Variants in FBH1 observed in about 807,000 individuals in gnomAD.
FBH1 encodes DNA 3'-5' helicase 1.
In FBH1, 43 loss-of-function variants were observed where a neutral mutation model predicts 115.5. That is an observed-to-expected ratio of 0.37 (90% CI 0.29 to 0.48). FBH1 has a LOEUF of 0.48. Ranked by LOEUF, FBH1 falls within the 20% of genes least tolerant of loss-of-function variation. The pLI is 0.99. For synonymous variants in FBH1, 524 were observed against 507.8 expected (o/e 1.03, Z -0.43); for missense variants, 1,001 against 1,337.3 (o/e 0.75, Z 3.92).
At position 5,936,667 on chromosome 10, in the gene FBH1, TGAG is replaced by T; in HGVS notation, c.2961+84_2961+86del. On this transcript the variant is annotated intron_variant, in intron 20 of 20. Coordinates refer to ENST00000362091, the MANE Select transcript of FBH1 (RefSeq NM_178150.3). This position sits in a 1 kb window ranked among gnomAD's most constrained non-coding sequence, Gnocchi z 5.6. Reference sequence around the variant, plus strand: ...GCTCTGTGCTTATCTGGGTTGTAGGTGAGGAGATAAGAGAGAGCTGTGTGATCC... The same window carrying T: ...GCTCTGTGCTTATCTGGGTTGTAGGTGAGATAAGAGAGAGCTGTGTGATCC... 6.4e-7 allele frequency: 1 copy of T among 1,553,168 alleles called. No individual in the cohort carries two copies. The highest frequency in any genetic ancestry group is 8.8e-7 in the Non-Finnish European group (1 of 1,132,290).
At chr10:5,890,507 G>C (rs1472095871) in intron 1 of FBH1, among the ~76,000 whole-genome samples, 161 bp downstream of exon 1, 1 of 150,922 alleles carries the variant, frequency 6.6e-6, no homozygotes, top group Non-Finnish European at 1.5e-5. Context: ...GTGGGGGCTC[G>C]GCCGTCCGGG....
At chr10:5,894,355 A>C in intron 1 of FBH1, 1 of 1,569,590 alleles carries the variant, frequency 6.4e-7, no homozygotes, top group Non-Finnish European at 8.6e-7. Context: ...AAAAAATGTA[A>C]TATGGAAATT....
rs1466020860 is a variant in FBH1, at chr10:5,916,572, C to A, written c.1788+116C>A. 3 of 841,608 alleles carry A rather than the reference C, an allele frequency of 3.6e-6. No individual in the cohort carries two copies. The Admixed American group carries it at 8.3e-5, about 23-fold the overall frequency. 52.1% of individuals were successfully genotyped at this position (841,608 alleles called of 1,614,324 possible). On this transcript the variant is annotated intron_variant, in intron 10 of 20. Transcript: ENST00000362091. ...TGTTAGGGGTCTGAGGATGGGGAAA[C>A]AGGGGAAGTGTTAGGGGTCTGAGGA...
chr10:5,894,497 A>G (rs1329132830), intron 1 of FBH1: 2 of 1,080,574 alleles, frequency 1.9e-6, no homozygotes, highest in Non-Finnish European at 2.9e-6. Context: ...CTCATGAGCT[A>G]CGAGGTGACT....
intron 1 of FBH1, among the ~76,000 whole-genome samples, chr10:5,902,670 G>T (rs2131886409): frequency 6.6e-6 from 1 of 152,044 alleles, no homozygotes; most frequent in Middle Eastern, 3.4e-3. Flanking sequence ...AAAATGTCTT[G>T]CCCCCTCCTC....
Position 5,909,643 on chromosome 10 carries a change from G to C in FBH1, c.1020+349G>C, listed in dbSNP as rs999985362. Among the ~76,000 whole-genome samples, 1 of 152,140 alleles carries C rather than the reference G, an allele frequency of 6.6e-6. No homozygotes were observed. Among genetic ancestry groups the C allele is most frequent in the African/African-American group, 2.4e-5 (1 of 41,412 alleles). On this transcript the variant is annotated intron_variant, in intron 5 of 20. Transcript: ENST00000362091. This position sits in a 1 kb window ranked among gnomAD's most constrained non-coding sequence, Gnocchi z 4.4. The stretch of plus-strand genomic sequence containing the variant: ...AGCCCACCCCATTATCAACAAGTTT[G>C]CTTATTTGAAAGGGACAGAAAAATT...
In FBH1 at chr10:5,925,174, G is replaced by A. The variant is rs1198992690; in HGVS notation, c.2597-193G>A. ...CAACTAATTTTCGACTTTTCCCCTCGTCTTTTTCTTTTTTCTGTTCCCGAC... is the reference window on the plus strand; with the variant it reads ...CAACTAATTTTCGACTTTTCCCCTCATCTTTTTCTTTTTTCTGTTCCCGAC... On this transcript the variant is annotated intron_variant, in intron 17 of 20. Coordinates refer to ENST00000362091, the MANE Select transcript of FBH1 (RefSeq NM_178150.3). The surrounding 1 kb of genome is among the most constrained non-coding windows in gnomAD (Gnocchi z 4.6). 2.3e-5 allele frequency: 15 copies of A among 658,934 alleles called. No homozygotes were observed. The East Asian group carries it at 2.4e-4, about 11-fold the overall frequency. 40.8% of individuals were successfully genotyped at this position (658,934 alleles called of 1,614,324 possible). A position where few individuals can be genotyped will look rare whatever the true frequency, so the allele number is the denominator to read the frequency against.
rs981866471 is a variant in FBH1, at chr10:5,935,266, A to G, written c.2830-1190A>G. Reference sequence around the variant, plus strand: ...CATTGTTGGAAATAGTTTGGAAACAACCGAGTAACCACAGCAAGGGAATGG... The same window carrying G: ...CATTGTTGGAAATAGTTTGGAAACAGCCGAGTAACCACAGCAAGGGAATGG... On this transcript the variant is annotated intron_variant, in intron 19 of 20. Coordinates refer to ENST00000362091, the MANE Select transcript of FBH1 (RefSeq NM_178150.3). This position sits in a 1 kb window ranked among gnomAD's most constrained non-coding sequence, Gnocchi z 5.2. The G allele has an allele frequency of 6.6e-6, 1 of 152,216 alleles. No homozygotes were observed. Among genetic ancestry groups the G allele is most frequent in the Non-Finnish European group, 1.5e-5 (1 of 68,048 alleles). The allele number at this position is 152,216 out of a possible 1,614,324, so 9.4% of individuals were successfully genotyped here.
chr10:5,894,260 A>T, intron 1 of FBH1: 3 of 1,417,820 alleles, frequency 2.1e-6, no homozygotes, highest in Non-Finnish European at 2.8e-6. Context: ...TTTCGGGTCT[A>T]CAGCATTTAG....
At chr10:5,901,346 C>T (rs1346496090) in intron 1 of FBH1, among the ~76,000 whole-genome samples, 4 of 151,802 alleles carry the variant, frequency 2.6e-5, no homozygotes, top group African/African-American at 7.3e-5. Flanking sequence ...TTAATAGAGA[C>T]GGGGTTTCAC....
chr10:5,897,885 G>A lies in FBH1; in HGVS notation c.2-5135G>A, dbSNP rs1843106286. Among the ~76,000 whole-genome samples the A allele has an allele frequency of 1.5e-5, 2 of 134,302 alleles. No individual in the cohort carries two copies. The highest frequency in any genetic ancestry group is 5.1e-5 in the African/African-American group (2 of 39,302). 88.1% of individuals were successfully genotyped at this position (134,302 alleles called of 152,430 possible). The stretch of plus-strand genomic sequence containing the variant: ...TTTTGGATTCAGACGTATTTTCTGA[G>A]ATAAATACATAAATAAAAATCTATC... On this transcript the variant is annotated intron_variant, in intron 1 of 20. Coordinates refer to ENST00000362091, the MANE Select transcript of FBH1 (RefSeq NM_178150.3). The surrounding 1 kb of genome is among the most constrained non-coding windows in gnomAD (Gnocchi z 4.7).
intron 2 of FBH1, among the ~76,000 whole-genome samples, chr10:5,904,907 C>T (rs535675621): frequency 2.0e-5 from 3 of 151,950 alleles, no homozygotes; most frequent in South Asian, 4.2e-4. Flanking sequence ...AAGGCTAAAC[C>T]GAGTTTCAGT....
At position 5,918,583 on chromosome 10, in the gene FBH1, C is replaced by A; in HGVS notation, c.2100+105C>A. The stretch of plus-strand genomic sequence containing the variant: ...CCAGGCTCACCAGATCTAGCAAATC[C>A]TTGCTTCTAAGCCATGGTTCTCAAA... On this transcript the variant is annotated intron_variant, in intron 13 of 20. Transcript: ENST00000362091. The surrounding 1 kb of genome is among the most constrained non-coding windows in gnomAD (Gnocchi z 4.0). 1 of 1,362,458 alleles carries A rather than the reference C, an allele frequency of 7.3e-7. No individual in the cohort carries two copies. Among genetic ancestry groups the A allele is most frequent in the Admixed American group, 2.9e-5 (1 of 34,656 alleles). 84.4% of individuals were successfully genotyped at this position (1,362,458 alleles called of 1,614,324 possible). A position where few individuals can be genotyped will look rare whatever the true frequency, so the allele number is the denominator to read the frequency against.
rs1457557605 is a variant in FBH1, at chr10:5,897,093, C to T, written c.2-5927C>T. 1.3e-5 allele frequency among the ~76,000 whole-genome samples: 2 copies of T among 152,164 alleles called. No individual in the cohort carries two copies. Among genetic ancestry groups the T allele is most frequent in the African/African-American group, 4.8e-5 (2 of 41,432 alleles). ...AAACTGATGTGCCTTAGGAGACCCT[C>T]AGATTGGTGTGGTAGTCACATATTT... On this transcript the variant is annotated intron_variant, in intron 1 of 20. Transcript: ENST00000362091. This position sits in a 1 kb window ranked among gnomAD's most constrained non-coding sequence, Gnocchi z 4.7.
In FBH1 at chr10:5,932,670, G is replaced by A. The variant is rs1185663831; in HGVS notation, c.2830-3786G>A. 6.6e-6 allele frequency among the ~76,000 whole-genome samples: 1 copy of A among 152,190 alleles called. No individual in the cohort carries two copies. Among genetic ancestry groups the A allele is most frequent in the African/African-American group, 2.4e-5 (1 of 41,434 alleles). On this transcript the variant is annotated intron_variant, in intron 19 of 20. Coordinates refer to ENST00000362091, the MANE Select transcript of FBH1 (RefSeq NM_178150.3). This position sits in a 1 kb window ranked among gnomAD's most constrained non-coding sequence, Gnocchi z 5.9. ...GCATCTTCAGCATGCATTTCTAGAA[G>A]TGGAATTGCTGGGTAAAGATAAATG...
chr10:5,908,128 T>C (rs1843834287), intron 3 of FBH1, among the ~76,000 whole-genome samples: 1 of 152,240 alleles, frequency 6.6e-6, no homozygotes, highest in African/African-American at 2.4e-5. Flanking sequence ...CCTTCTATTA[T>C]TGTGTTGCTG....
At chr10:5,916,063 A>G (rs1051250615) in intron 9 of FBH1, 171 bp from the exon 10 acceptor site, 4 of 627,582 alleles carry the variant, frequency 6.4e-6, no homozygotes, top group African/African-American at 3.7e-5. Flanking sequence ...CCTGAAAGCC[A>G]TTTCCAGTCA....
chr10:5,901,910 T>C (rs766827174), intron 1 of FBH1, among the ~76,000 whole-genome samples: 1 of 152,214 alleles, frequency 6.6e-6, no homozygotes, highest in Non-Finnish European at 1.5e-5. Flanking sequence ...TAGTGTTTCA[T>C]GCCATAAGGA....
Position 5,897,751 on chromosome 10 carries a change from C to T in FBH1, c.2-5269C>T, listed in dbSNP as rs115776972. ...CATGCCAGAACATATTGGAATATAC[C>T]GGGACTCCCTTGAAGCAGAACACAG... On this transcript the variant is annotated intron_variant, in intron 1 of 20. Coordinates refer to ENST00000362091, the MANE Select transcript of FBH1 (RefSeq NM_178150.3). The surrounding 1 kb of genome is among the most constrained non-coding windows in gnomAD (Gnocchi z 4.7). 5.3e-3 allele frequency among the ~76,000 whole-genome samples: 806 copies of T among 152,246 alleles called. 6 individuals are homozygous for T. Among genetic ancestry groups the T allele is most frequent in the African/African-American group, 0.019 (774 of 41,526 alleles).
Sources: allele counts gnomAD v4.1 joint callset (sites outside exome capture counted in the v4.1 genomes callset), GRCh38; gene constraint gnomAD v4.1.1; non-coding constraint Gnocchi (gnomAD v3.1); transcripts MANE v1.5; gene names NCBI Gene and HGNC (gene_info 2026-07-23, HGNC 2026-07-21).